The following LVRN variants were observed in gnomAD, a reference collection of about 807,000 sequenced individuals.
The protein encoded by LVRN is laeverin.
LVRN carries 99 observed loss-of-function variants against 111.4 expected under a neutral mutation model. That is an observed-to-expected ratio of 0.89 (90% CI 0.76 to 1.05). LVRN has a LOEUF of 1.05. Ranked by LOEUF, LVRN falls within the 50% of genes least tolerant of loss-of-function variation. The probability of loss-of-function intolerance (pLI) is 0.00; values close to 1 mark genes in which losing one functional copy is unlikely to be tolerated. For missense variants in LVRN, 1,414 were observed against 1,206.8 expected (o/e 1.17, Z -2.54); for synonymous variants, 488 against 449.5 (o/e 1.09, Z -1.08).
Position 115,983,381 on chromosome 5 carries a change from A to G in LVRN, c.790A>G (p.Met264Val), listed in dbSNP as rs115456755. The stretch of plus-strand genomic sequence containing the variant: ...TCTGAAGGCAACTTTTAATATTACA[A>G]TGATTCATCATCCAAGTTATGTGGC... ...PALKATFNITMIHHPSYVALS... is the reference protein window; with the variant it reads ...PALKATFNITVIHHPSYVALS... The change falls in exon 2 of 20, where the codon ATG becomes GTG. Residue 264 changes from methionine to valine, a missense_variant. Transcript: ENST00000357872. 584 of 1,610,432 alleles carry G rather than the reference A, an allele frequency of 3.6e-4. No homozygotes were observed. Among genetic ancestry groups the G allele is most frequent in the African/African-American group, 3.1e-3 (229 of 74,802 alleles).
At chr5:115,989,334 C>T (rs1048147061) in intron 4 of LVRN, among the ~76,000 whole-genome samples, 2 of 152,252 alleles carry the variant, frequency 1.3e-5, no homozygotes, top group East Asian at 1.9e-4. Flanking sequence ...TATGCATTCA[C>T]CTTCCTCTTG....
chr5:116,001,631 A>G (rs984974968), intron 10 of LVRN, among the ~76,000 whole-genome samples: 9 of 152,226 alleles, frequency 5.9e-5, no homozygotes, highest in African/African-American at 2.2e-4. Flanking sequence ...TCTTCCTTAG[A>G]AATGAAACTG....
At chr5:116,021,666 T>C (rs1241682788) in intron 18 of LVRN, 2 of 443,020 alleles carry the variant, frequency 4.5e-6, no homozygotes, top group East Asian at 1.4e-4. Context: ...CAGTCCATTA[T>C]AATAACCCTA....
At position 115,997,577 on chromosome 5, in the gene LVRN, T is replaced by C. The variant is rs546625629; in HGVS notation, c.1375-2185T>C. ...TACTCAGGAGGCTGCAGTGAGAGGA[T>C]TGATAGAGCCTAGGAAATTGAAGCT... is the stretch of plus-strand genomic sequence containing the variant. On this transcript the variant is annotated intron_variant, in intron 6 of 19. Transcript: ENST00000357872. Among the ~76,000 whole-genome samples, 5 of 151,872 alleles carry C rather than the reference T, an allele frequency of 3.3e-5. No individual in the cohort carries two copies. The South Asian group carries it at 1.0e-3, about 32-fold the overall frequency.
At chr5:116,021,691 T>C (rs937129533) in intron 18 of LVRN, 2 of 450,974 alleles carry the variant, frequency 4.4e-6, no homozygotes, top group Non-Finnish European at 8.9e-6. Context: ...AATTTTTCTT[T>C]CCTTTTTAAT....
At chr5:115,971,080 CA>C (rs1356432711) in intron 1 of LVRN, among the ~76,000 whole-genome samples, 2 of 152,164 alleles carry the variant, frequency 1.3e-5, no homozygotes, top group Non-Finnish European at 2.9e-5. Flanking sequence ...TTCTTCATTA[CA>C]GTTTTAATTT....
chr5:116,018,036 C>G (rs1019872730), intron 18 of LVRN, among the ~76,000 whole-genome samples: 2 of 151,036 alleles, frequency 1.3e-5, no homozygotes, highest in Non-Finnish European at 3.0e-5. Flanking sequence ...CAAGGCAGGA[C>G]GATCACTTTA....
At chr5:115,992,943 A>G (rs1185474285) in intron 5 of LVRN, among the ~76,000 whole-genome samples, 1 of 152,196 alleles carries the variant, frequency 6.6e-6, no homozygotes, top group African/African-American at 2.4e-5. Context: ...GTGGCTCCAT[A>G]AGAAGTTTTG....
intron 19 of LVRN, 71 bp from the exon 20 acceptor site, chr5:116,025,907 G>A (rs1748853401): frequency 3.2e-6 from 5 of 1,574,164 alleles, no homozygotes; most frequent in Non-Finnish European, 4.3e-6. Context: ...TTGCTACTTA[G>A]CATTTAGACA....
intron 13 of LVRN, among the ~76,000 whole-genome samples, chr5:116,009,195 G>T (rs902139879): frequency 6.6e-6 from 1 of 152,142 alleles, no homozygotes; most frequent in Non-Finnish European, 1.5e-5. Flanking sequence ...AAGCCTGGAT[G>T]ACAGCACATC....
chr5:115,963,375 G>A, intron 1 of LVRN, 63 bp downstream of exon 1: 1 of 1,381,654 alleles, frequency 7.2e-7, no homozygotes, highest in Admixed American at 2.6e-5. Flanking sequence ...TGCAGGCTGC[G>A]GGTCCAGCTG....
In LVRN at chr5:116,015,262, C is replaced by T; in HGVS notation, c.2461C>T (p.Pro821Ser). ...VDHPENEIPYPIKDVVLCYGI... is the reference protein window; with the variant it reads ...VDHPENEIPYSIKDVVLCYGI... ...TGTTATATTTTACAGAATACCTTAT[C>T]CAATTAAAGATGTGGTTTTATGTTA... Residue 821 changes from proline (P) to serine (S), a missense_variant, in exon 17 of 20, where the codon CCA becomes TCA. By Grantham distance (74) the Pro-to-Ser change is moderately conservative. Coordinates refer to ENST00000357872, the MANE Select transcript of LVRN (RefSeq NM_173800.5). The T allele has an allele frequency of 1.3e-6, 2 of 1,592,368 alleles. No individual in the cohort carries two copies. Among genetic ancestry groups the T allele is most frequent in the Non-Finnish European group, 1.7e-6 (2 of 1,170,712 alleles).
At chr5:115,996,130 T>A (rs1194795729) in intron 6 of LVRN, among the ~76,000 whole-genome samples, 6 of 152,240 alleles carry the variant, frequency 3.9e-5, no homozygotes, top group Non-Finnish European at 5.9e-5. Flanking sequence ...CAGTTGGGTA[T>A]GTCCTAAATT....
In LVRN at chr5:115,993,834, T is replaced by C. The variant is rs1316873095; in HGVS notation, c.1354T>C (p.Phe452Leu). 6.2e-7 allele frequency: 1 copy of C among 1,600,430 alleles called. No homozygotes were observed. The highest frequency in any genetic ancestry group is 1.1e-5 in the South Asian group (1 of 88,288). ...SYFEFEVINYFNPKLPRNEIF... is the reference protein window; with the variant it reads ...SYFEFEVINYLNPKLPRNEIF... ...TTTTGAGTTTGAAGTAATTAACTAC[T>C]TTAATCCTAAACTCCCAAGAGTAAG... Residue 452 changes from phenylalanine (F) to leucine (L), a missense_variant, in exon 6 of 20, where the codon TTT (phenylalanine) becomes CTT (leucine). By Grantham distance (22) the Phe-to-Leu change is conservative. Transcript: ENST00000357872.
At chr5:115,973,439 C>T (rs1753370360) in intron 1 of LVRN, among the ~76,000 whole-genome samples, 1 of 152,112 alleles carries the variant, frequency 6.6e-6, no homozygotes, top group East Asian at 1.9e-4. Flanking sequence ...CAGAAGTATT[C>T]CCTTTTCCTT....
rs1580392375 is a variant in LVRN, at chr5:116,002,840, C to T, written c.1826C>T (p.Thr609Ile). 4 of 1,603,400 alleles carry T rather than the reference C, an allele frequency of 2.5e-6. No individual in the cohort carries two copies. In the African/African-American group the frequency reaches 4.0e-5, roughly 16 times the overall value. ...TTTTATTTTCTTCCAATAAGTGACA[C>T]ATGGATTGTCCCTATTCTTTGGATA... ...KNRTLLTSND[T>I]WIVPILWIKN... is the part of the protein sequence containing the mutation. Residue 609 changes from threonine (T) to isoleucine (I), a missense_variant, in exon 11 of 20, where the codon ACA becomes ATA. Physicochemically the swap from Thr to Ile is moderately conservative, Grantham distance 89. Coordinates refer to ENST00000357872, the MANE Select transcript of LVRN (RefSeq NM_173800.5).
At chr5:115,979,138 C>A (rs969847416) in intron 1 of LVRN, among the ~76,000 whole-genome samples, 1 of 152,086 alleles carries the variant, frequency 6.6e-6, no homozygotes, top group African/African-American at 2.4e-5. Context: ...TGGTAGGGGA[C>A]ACAGCTCTTG....
intron 6 of LVRN, among the ~76,000 whole-genome samples, chr5:115,998,880 C>T (rs1748176300): frequency 6.6e-6 from 1 of 152,070 alleles, no homozygotes; most frequent in Admixed American, 6.5e-5. Context: ...GTATTACTAG[C>T]CTAAAAATAA....
At chr5:116,009,112 C>T (rs375475446) in intron 13 of LVRN, among the ~76,000 whole-genome samples, 1 of 152,166 alleles carries the variant, frequency 6.6e-6, no homozygotes, top group African/African-American at 2.4e-5. Flanking sequence ...GCTCATTTAC[C>T]ATTCTGTAAA....
Sources: allele counts gnomAD v4.1 joint callset (sites outside exome capture counted in the v4.1 genomes callset), GRCh38; gene constraint gnomAD v4.1.1; transcripts MANE v1.5; gene names NCBI Gene and HGNC (gene_info 2026-07-23, HGNC 2026-07-21).